Variants in PLCL1 observed in about 807,000 individuals in gnomAD.
PLCL1 encodes inactive phospholipase C-like protein 1.
A neutral mutation model predicts 84.4 loss-of-function variants in PLCL1; 41 were observed. That is an observed-to-expected ratio of 0.49 (90% CI 0.38 to 0.63). PLCL1 has a LOEUF of 0.63. Ranked by LOEUF, PLCL1 falls within the 30% of genes least tolerant of loss-of-function variation. The probability of loss-of-function intolerance (pLI) is 0.00; values close to 1 mark genes in which losing one functional copy is unlikely to be tolerated. For synonymous variants in PLCL1, 490 were observed against 488.3 expected, an observed-to-expected ratio of 1.00 and a Z score of -0.05; for missense variants, 1,206 against 1,367.8, an observed-to-expected ratio of 0.88 and a Z score of 1.87.
intron 1 of PLCL1, among the ~76,000 whole-genome samples, chr2:197,993,239 T>C (rs1417487588): frequency 6.6e-6 from 1 of 152,230 alleles, no homozygotes; most frequent in African/African-American, 2.4e-5. Flanking sequence ...CGGTTTTGAT[T>C]TGCATTTCCC....
In PLCL1 at chr2:198,084,219, C is replaced by T. The variant is rs1234106887; in HGVS notation, c.702C>T (p.Gly234=). Residue 234 remains glycine, a synonymous_variant, in exon 2 of 6, where the codon GGC becomes GGT. Coordinates refer to ENST00000428675, the MANE Select transcript of PLCL1 (RefSeq NM_006226.4). ...RSKQPLDFME[G]NQNTPRFMWL... is the part of the protein sequence containing the mutation. ...AGCAGCCTCTTGATTTTATGGAGGGCAACCAGAACACACCACGGTTCATGT... is the reference window on the plus strand; with the variant it reads ...AGCAGCCTCTTGATTTTATGGAGGGTAACCAGAACACACCACGGTTCATGT... 1.9e-6 allele frequency: 3 copies of T among 1,613,906 alleles called. No individual in the cohort carries two copies. In the African/African-American group the frequency reaches 4.0e-5, roughly 22 times the overall value.
chr2:198,010,240 T>C (rs2105829065), intron 1 of PLCL1, among the ~76,000 whole-genome samples: 1 of 152,154 alleles, frequency 6.6e-6, no homozygotes, highest in Middle Eastern at 3.4e-3. Context: ...CTTTGCCTTG[T>C]TCCTGATCTT....
intron 1 of PLCL1, among the ~76,000 whole-genome samples, chr2:198,073,204 T>C (rs1692502789): frequency 6.6e-6 from 1 of 152,212 alleles, no homozygotes; most frequent in Non-Finnish European, 1.5e-5. Context: ...ATAAAAACTA[T>C]GCTTATGTAG....
At chr2:197,895,038 G>T (rs1688107086) in intron 1 of PLCL1, among the ~76,000 whole-genome samples, 1 of 151,988 alleles carries the variant, frequency 6.6e-6, no homozygotes, top group South Asian at 2.1e-4. Context: ...TTTAGTTTTT[G>T]TTTCTTACAG....
chr2:197,822,674 C>T (rs929543847), intron 1 of PLCL1, among the ~76,000 whole-genome samples: 5 of 152,186 alleles, frequency 3.3e-5, no homozygotes, highest in Non-Finnish European at 7.4e-5. Flanking sequence ...CAGATTCACA[C>T]AGTAAGTGGC....
intron 1 of PLCL1, among the ~76,000 whole-genome samples, chr2:197,834,660 A>C (rs1014798563): frequency 6.6e-6 from 1 of 152,224 alleles, no homozygotes; most frequent in African/African-American, 2.4e-5. Flanking sequence ...CACATGCTGC[A>C]GAGGATATGG....
intron 5 of PLCL1, among the ~76,000 whole-genome samples, chr2:198,110,253 T>TA (rs1275799122): frequency 6.6e-6 from 1 of 151,926 alleles, no homozygotes; most frequent in African/African-American, 2.4e-5. Context: ...ATGTGACTAT[T>TA]ACTTTTCCCC....
intron 1 of PLCL1, among the ~76,000 whole-genome samples, chr2:197,966,591 CTT>C (rs1689742328): frequency 6.6e-6 from 1 of 152,142 alleles, no homozygotes; most frequent in Non-Finnish European, 1.5e-5. Context: ...TAGATTCTCT[CTT>C]TGAACAATGC....
intron 1 of PLCL1, among the ~76,000 whole-genome samples, chr2:198,024,855 C>A (rs558638237): frequency 6.6e-6 from 1 of 151,904 alleles, no homozygotes; most frequent in African/African-American, 2.4e-5. Context: ...ATTAATTTCC[C>A]TAATTAACGT....
At chr2:197,835,044 C>T (rs1691155019) in intron 1 of PLCL1, among the ~76,000 whole-genome samples, 1 of 152,146 alleles carries the variant, frequency 6.6e-6, no homozygotes, top group Admixed American at 6.5e-5. Flanking sequence ...CAAAGTAATG[C>T]AGGAACAGAA....
chr2:197,953,852 T>C (rs1011896190), intron 1 of PLCL1, among the ~76,000 whole-genome samples: 4 of 102,666 alleles, frequency 3.9e-5, no homozygotes, highest in African/African-American at 1.1e-4. Context: ...TATTCCAGAG[T>C]TTTTTTTTTT....
At chr2:197,853,383 C>T (rs954114189) in intron 1 of PLCL1, among the ~76,000 whole-genome samples, 3 of 152,102 alleles carry the variant, frequency 2.0e-5, no homozygotes, top group African/African-American at 7.2e-5. Flanking sequence ...GTATATTCCC[C>T]GGAAGTGGGA....
Position 198,085,303 on chromosome 2 carries a change from C to T in PLCL1, c.1786C>T (p.Gln596Ter). 6.2e-7 allele frequency: 1 copy of T among 1,613,642 alleles called. No individual in the cohort carries two copies. The highest frequency in any genetic ancestry group is 8.5e-7 in the Non-Finnish European group (1 of 1,179,684). Residue 596 changes from glutamine (Q) to a stop codon, truncating the protein, a stop_gained, in exon 2 of 6, where the codon CAA becomes TAA. Coordinates refer to ENST00000428675, the MANE Select transcript of PLCL1 (RefSeq NM_006226.4). LOFTEE classifies it high-confidence loss of function. The surrounding 1 kb of genome is among the most constrained non-coding windows in gnomAD (Gnocchi z 5.3). ...TTTGGTGTCTATTTGTAAATCTGTT[C>T]AATACAGGGATTTTGAACTATCTAT... ...SDLVSICKSVQYRDFELSMKS... is the reference protein window; with the variant it reads ...SDLVSICKSV
chr2:198,096,541 G>A (rs1693198569), intron 3 of PLCL1, among the ~76,000 whole-genome samples: 1 of 152,020 alleles, frequency 6.6e-6, no homozygotes. Context: ...TCATTCTGAA[G>A]TGGAATAGCT....
intron 1 of PLCL1, among the ~76,000 whole-genome samples, chr2:197,831,196 T>C (rs1291432371): frequency 6.6e-6 from 1 of 152,030 alleles, no homozygotes; most frequent in Non-Finnish European, 1.5e-5. Context: ...ATGGCCTAAA[T>C]ACCCCAATTA....
At chr2:197,976,916 A>T (rs1689993341) in intron 1 of PLCL1, among the ~76,000 whole-genome samples, 1 of 152,126 alleles carries the variant, frequency 6.6e-6, no homozygotes, top group African/African-American at 2.4e-5. Context: ...CTTTATTCTC[A>T]GTGTAACAGC....
chr2:197,979,579 C>T (rs1690062290), intron 1 of PLCL1, among the ~76,000 whole-genome samples: 1 of 152,222 alleles, frequency 6.6e-6, no homozygotes, highest in Non-Finnish European at 1.5e-5. Flanking sequence ...TGCTTACGCA[C>T]ATTTTCTGAT....
chr2:197,847,353 A>G (rs570800540), intron 1 of PLCL1, among the ~76,000 whole-genome samples: 3 of 152,300 alleles, frequency 2.0e-5, no homozygotes, highest in South Asian at 4.1e-4. Flanking sequence ...TCAGTGCCCC[A>G]GATCCTCAGC....
intron 5 of PLCL1, among the ~76,000 whole-genome samples, chr2:198,112,439 T>A (rs1404052767): frequency 6.6e-6 from 1 of 151,884 alleles, no homozygotes; most frequent in Non-Finnish European, 1.5e-5. Context: ...CTAGCTGCCA[T>A]TTCTTGATGG....
Sources: allele counts gnomAD v4.1 joint callset (sites outside exome capture counted in the v4.1 genomes callset), GRCh38; gene constraint gnomAD v4.1.1; non-coding constraint Gnocchi (gnomAD v3.1); transcripts MANE v1.5; gene names NCBI Gene and HGNC (gene_info 2026-07-23, HGNC 2026-07-21).